TBL1X: variants seen among roughly 807,000 people sequenced by gnomAD.
The protein encoded by TBL1X is F-box-like/WD repeat-containing protein TBL1X.
TBL1X carries 10 observed loss-of-function variants against 50.7 expected under a neutral mutation model. That is an observed-to-expected ratio of 0.20 (90% CI 0.12 to 0.33). The LOEUF (loss-of-function observed/expected upper bound fraction) is 0.33. Among genes scored for constraint, TBL1X ranks in the 10% least tolerant of loss-of-function variants. TBL1X has a pLI of 1.00. For missense variants in TBL1X, 340 were observed against 504.4 expected (o/e 0.67, Z 3.12); for synonymous variants, 190 against 214.7 (o/e 0.88, Z 1.01).
At chrX:9,528,278 A>G (rs2082142367) in intron 2 of TBL1X, among the ~76,000 whole-genome samples, 1 of 111,520 alleles carries the variant, frequency 9.0e-6, no homozygotes, top group African/African-American at 3.3e-5. Context: ...TTCACTTAGC[A>G]TAATGTCCTT....
intron 2 of TBL1X, among the ~76,000 whole-genome samples, chrX:9,609,383 C>T (rs1473715866): frequency 2.4e-5 from 2 of 84,395 alleles, no homozygotes; most frequent in East Asian, 8.0e-4. Context: ...GTTGCCCCAG[C>T]ATTTTGGTGT....
intron 2 of TBL1X, among the ~76,000 whole-genome samples, chrX:9,561,381 T>C (rs771302371): frequency 5.1e-4 from 57 of 110,700 alleles, no homozygotes; most frequent in African/African-American, 1.9e-3. Flanking sequence ...GAGGAGAGAA[T>C]TGGGGAACTG....
intron 2 of TBL1X, among the ~76,000 whole-genome samples, chrX:9,593,557 G>C (rs1433132738): frequency 3.6e-5 from 4 of 110,592 alleles, no homozygotes; most frequent in Non-Finnish European, 7.6e-5. Flanking sequence ...AGTGGGATGA[G>C]GTCTAGGGCC....
intron 2 of TBL1X, among the ~76,000 whole-genome samples, chrX:9,564,998 C>T (rs903344950): frequency 8.2e-5 from 9 of 109,749 alleles, no homozygotes; most frequent in African/African-American, 2.3e-4. Context: ...AGGCTGGGTG[C>T]GGTGGCTCAC....
Position 9,640,261 on chromosome X carries a change from CT to C in TBL1X, c.-130-9del, listed in dbSNP as rs1469326976. ...TAAGTCTTTTGTTTCAAACCTTTCC[CT>C]TTCTCCCTAGGCTGGTCCCTGCAGA... On this transcript the variant is annotated splice_polypyrimidine_tract_variant and intron_variant, in intron 2 of 17. Coordinates refer to ENST00000645353, the MANE Select transcript of TBL1X (RefSeq NM_005647.4). 2.7e-5 allele frequency: 3 copies of C among 112,237 alleles called. No individual in the cohort carries two copies. Among genetic ancestry groups the C allele is most frequent in the Non-Finnish European group, 3.8e-5 (2 of 53,238 alleles). The allele number at this position is 112,237 out of a possible 1,213,427, so 9.2% of individuals were successfully genotyped here.
chrX:9,691,559 C>T lies in TBL1X; in HGVS notation c.617-20C>T. 1 of 1,207,136 alleles carries T rather than the reference C, an allele frequency of 8.3e-7. No homozygotes were observed. Among genetic ancestry groups the T allele is most frequent in the Non-Finnish European group, 1.1e-6 (1 of 892,865 alleles). ...TCTTGTATTGGTAAGCCACTTGTCT[C>T]TTTGTGTTTGCTGTGACAGATAATC... On this transcript the variant is annotated intron_variant, in intron 7 of 17. Coordinates refer to ENST00000645353, the MANE Select transcript of TBL1X (RefSeq NM_005647.4).
intron 2 of TBL1X, among the ~76,000 whole-genome samples, chrX:9,565,294 T>G (rs868303330): frequency 4.1e-5 from 2 of 49,135 alleles, no homozygotes; most frequent in Non-Finnish European, 8.4e-5. Flanking sequence ...AAAAAAAAAA[T>G]CATAATCATA....
intron 2 of TBL1X, among the ~76,000 whole-genome samples, chrX:9,543,389 A>C (rs1407658502): frequency 1.8e-5 from 2 of 111,774 alleles, no homozygotes; most frequent in Non-Finnish European, 3.8e-5. Flanking sequence ...AGTAGCAGGA[A>C]GGCCGGGTGA....
chrX:9,576,141 T>G (rs1431376271), intron 2 of TBL1X, among the ~76,000 whole-genome samples: 1 of 112,123 alleles, frequency 8.9e-6, no homozygotes, highest in Non-Finnish European at 1.9e-5. Flanking sequence ...TCCCAAAGTG[T>G]AGCATGCCTG....
chrX:9,517,615 G>A (rs1278464510), intron 2 of TBL1X, among the ~76,000 whole-genome samples: 1 of 112,005 alleles, frequency 8.9e-6, no homozygotes, highest in Non-Finnish European at 1.9e-5. Flanking sequence ...AAGCTGAATG[G>A]TGGCAGGTGG....
chrX:9,550,797 A>C (rs2082267041), intron 2 of TBL1X, among the ~76,000 whole-genome samples: 1 of 112,204 alleles, frequency 8.9e-6, no homozygotes, highest in Non-Finnish European at 1.9e-5. Flanking sequence ...TTTTGGTAGA[A>C]TACAGCAGTG....
chrX:9,649,965 T>C (rs904888358), intron 3 of TBL1X, among the ~76,000 whole-genome samples: 5 of 111,580 alleles, frequency 4.5e-5, no homozygotes, highest in African/African-American at 1.6e-4. Flanking sequence ...ATTTTTAAAA[T>C]TTTTTTGTAG....
chrX:9,698,433 G>A (rs867661671), intron 12 of TBL1X, among the ~76,000 whole-genome samples: 6 of 111,792 alleles, frequency 5.4e-5, no homozygotes, highest in East Asian at 2.8e-4. Context: ...CGGTGCACAC[G>A]GCCAAATCCA....
chrX:9,484,159 C>T (rs2081898245), intron 1 of TBL1X, among the ~76,000 whole-genome samples: 1 of 110,737 alleles, frequency 9.0e-6, no homozygotes. Flanking sequence ...CGCATGCCAC[C>T]ACACCCGGTT....
chrX:9,713,452 A>T (rs907908196), intron 16 of TBL1X, among the ~76,000 whole-genome samples: 2 of 66,789 alleles, frequency 3.0e-5, no homozygotes, highest in African/African-American at 1.3e-4. Context: ...TTTGGATCGG[A>T]GTTTCACTCT....
intron 2 of TBL1X, among the ~76,000 whole-genome samples, chrX:9,589,687 C>A (rs747851339): frequency 9.0e-6 from 1 of 111,327 alleles, no homozygotes; most frequent in Admixed American, 9.5e-5. Flanking sequence ...GGGAGTTTTT[C>A]TTCTGAAAAG....
chrX:9,677,694 G>A (rs1268522493), intron 5 of TBL1X, among the ~76,000 whole-genome samples: 3 of 111,388 alleles, frequency 2.7e-5, no homozygotes, highest in East Asian at 2.8e-4. Flanking sequence ...GGTGTGGCAC[G>A]CCCCAGCATA....
chrX:9,634,089 G>A (rs961082256), intron 2 of TBL1X, among the ~76,000 whole-genome samples: 2 of 111,808 alleles, frequency 1.8e-5, no homozygotes, highest in Non-Finnish European at 3.8e-5. Context: ...GTGGGAGGTA[G>A]GATTCACAGT....
At chrX:9,610,780 AG>A (rs1378364526) in intron 2 of TBL1X, among the ~76,000 whole-genome samples, 1 of 112,548 alleles carries the variant, frequency 8.9e-6, no homozygotes, top group African/African-American at 3.2e-5. Flanking sequence ...AACAAATGAA[AG>A]GAGAGGGAAA....
Sources: gnomAD v4.1 joint callset for allele counts (sites outside exome capture counted in the v4.1 genomes callset) on GRCh38, gnomAD v4.1.1 for gene constraint, MANE v1.5 for transcripts, NCBI Gene and HGNC (gene_info 2026-07-23, HGNC 2026-07-21) for gene names.